The following URAD variants were observed in gnomAD, a reference collection of about 807,000 sequenced individuals.
URAD encodes putative 2-oxo-4-hydroxy-4-carboxy-5-ureidoimidazoline decarboxylase.
In URAD, 4 loss-of-function variants were observed where a neutral mutation model predicts 4.6. That is an observed-to-expected ratio of 0.87 (90% CI 0.43 to 1.98). The LOEUF (loss-of-function observed/expected upper bound fraction) is 1.98. URAD is among the 30% of genes most tolerant of loss of function. The probability of loss-of-function intolerance (pLI) is 0.03; values close to 1 mark genes in which losing one functional copy is unlikely to be tolerated. For synonymous variants in URAD, 144 were observed against 118.2 expected (o/e 1.22, Z -1.41); for missense variants, 300 against 255.3 (o/e 1.18, Z -1.19).
Position 27,983,521 on chromosome 13 carries a change from G to A in URAD, c.175+4942C>T, listed in dbSNP as rs61944047. 8.5e-3 allele frequency among the ~76,000 whole-genome samples: 1,291 copies of A among 152,106 alleles called. 9 individuals carry two copies. Among genetic ancestry groups the A allele is most frequent in the Non-Finnish European group, 0.014 (973 of 67,984 alleles). On this transcript the variant is annotated intron_variant, in intron 1 of 1. Transcript: ENST00000332715. Reference sequence around the variant, plus strand: ...TAGGATTACAGGCATGAGCCACCACGCCCAGCCAGGTTCCTTTTCTATGAG... The same window carrying A: ...TAGGATTACAGGCATGAGCCACCACACCCAGCCAGGTTCCTTTTCTATGAG...
intron 1 of URAD, among the ~76,000 whole-genome samples, chr13:27,987,496 G>A (rs927502890): frequency 3.9e-5 from 6 of 152,074 alleles, no homozygotes; most frequent in African/African-American, 2.4e-5. Context: ...CACTCTCCTC[G>A]GCCATCCAGT....
chr13:27,978,178 A>T lies in URAD; in HGVS notation c.450T>A (p.Ala150=), dbSNP rs938176232. The T allele has an allele frequency of 4.6e-6, 7 of 1,521,258 alleles. No individual in the cohort carries two copies. Among genetic ancestry groups the T allele is most frequent in the Non-Finnish European group, 6.1e-6 (7 of 1,146,944 alleles). 94.2% of individuals were successfully genotyped at this position (1,521,258 alleles called of 1,614,324 possible). The change falls in exon 2 of 2, where the codon GCT becomes GCA. Residue 150 remains alanine, a synonymous_variant. Transcript: ENST00000332715. ...LCPSAQELRT[A]LGEVKKIGSL... is the part of the protein sequence containing the mutation. The stretch of plus-strand genomic sequence containing the variant: ...TGCCGATCTTCTTCACCTCGCCCAG[A>T]GCAGTGCGCAGCTCCTGCGCGGACG...
chr13:27,984,910 C>T (rs542250281), intron 1 of URAD, among the ~76,000 whole-genome samples: 5 of 151,006 alleles, frequency 3.3e-5, no homozygotes, highest in South Asian at 4.2e-4. Flanking sequence ...ACCCGGGAGG[C>T]GGAGGTTGCA....
chr13:27,978,474 G>A, intron 1 of URAD, 22 bp from the exon 2 acceptor site: 1 of 1,305,076 alleles, frequency 7.7e-7, no homozygotes. Flanking sequence ...CACAGACACC[G>A]GCGGGAGCGC....
intron 1 of URAD, among the ~76,000 whole-genome samples, chr13:27,978,843 A>G (rs1229155306): frequency 6.6e-6 from 1 of 152,028 alleles, no homozygotes; most frequent in Non-Finnish European, 1.5e-5. Context: ...CGCGATAAGG[A>G]TCCTGAGCTT....
At chr13:27,984,321 C>G (rs920132131) in intron 1 of URAD, among the ~76,000 whole-genome samples, 16 of 152,338 alleles carry the variant, frequency 1.1e-4, no homozygotes, top group African/African-American at 3.8e-4. Context: ...CAACTTTCTT[C>G]CCTTTACTAA....
At position 27,978,377 on chromosome 13, in the gene URAD, G is replaced by T; in HGVS notation, c.251C>A (p.Ser84Ter). 3.6e-6 allele frequency: 5 copies of T among 1,401,608 alleles called. No individual in the cohort carries two copies. Among genetic ancestry groups the T allele is most frequent in the Non-Finnish European group, 2.8e-6 (3 of 1,084,594 alleles). 86.8% of individuals were successfully genotyped at this position (1,401,608 alleles called of 1,614,324 possible). The part of the protein sequence containing the change: ...ELQRGTLTAE[S>*]QREQSGAGLR... ...GCCTGCGCCGCTCTGTTCCCGCTGCGACTCGGCCGTGAGCGTGCCCCGCTG... is the reference window on the plus strand; with the variant it reads ...GCCTGCGCCGCTCTGTTCCCGCTGCTACTCGGCCGTGAGCGTGCCCCGCTG... The change falls in exon 2 of 2, where the codon TCG becomes TAG. Residue 84 changes from serine (S) to a stop codon, truncating the protein, a stop_gained. Transcript: ENST00000332715. LOFTEE classifies it low-confidence loss of function (END_TRUNC).
intron 1 of URAD, among the ~76,000 whole-genome samples, chr13:27,987,308 G>A (rs904271921): frequency 6.6e-6 from 1 of 152,108 alleles, no homozygotes; most frequent in Non-Finnish European, 1.5e-5. Context: ...TCTCTGTGAA[G>A]CTGTGTGTGT....
intron 1 of URAD, among the ~76,000 whole-genome samples, chr13:27,982,138 T>C (rs1413195191): frequency 8.6e-5 from 13 of 152,010 alleles, no homozygotes; most frequent in Non-Finnish European, 1.9e-4. Context: ...CCTTAAAAAA[T>C]GACTATAAAC....
chr13:27,977,765 C>A lies in URAD; in HGVS notation c.*341G>T. On this transcript the variant is annotated 3_prime_UTR_variant, in exon 2 of 2. Transcript: ENST00000332715. ...CGTCCGTTTTGCTTTGCAGTTCGGG[C>A]TTAGCAGGAGAGGGTTGGGGAGAAC... 1 of 311,938 alleles carries A rather than the reference C, an allele frequency of 3.2e-6. No homozygotes were observed. Among genetic ancestry groups the A allele is most frequent in the Non-Finnish European group, 5.9e-6 (1 of 170,206 alleles). The allele number at this position is 311,938 out of a possible 1,614,324, so 19.3% of individuals were successfully genotyped here.
At chr13:27,981,123 G>A (rs7326855) in intron 1 of URAD, among the ~76,000 whole-genome samples, 26,420 of 151,762 alleles carry the variant, frequency 0.17, 2,329 homozygotes, top group East Asian at 0.21. Flanking sequence ...GGAAGAAACA[G>A]AGCCTGACCT....
At chr13:27,987,920 A>AGATAGAT (rs1870081057) in intron 1 of URAD, among the ~76,000 whole-genome samples, 1 of 115,054 alleles carries the variant, frequency 8.7e-6, no homozygotes, top group African/African-American at 3.1e-5. Context: ...ATAGATAGAT[A>AGATAGAT]GATAGATAGA....
chr13:27,978,834 G>C (rs1179133478), intron 1 of URAD, among the ~76,000 whole-genome samples: 1 of 152,184 alleles, frequency 6.6e-6, no homozygotes, highest in Non-Finnish European at 1.5e-5. Flanking sequence ...GAGCAGAGAC[G>C]CGATAAGGAT....
At chr13:27,986,709 C>T (rs1870038760) in intron 1 of URAD, among the ~76,000 whole-genome samples, 1 of 151,722 alleles carries the variant, frequency 6.6e-6, no homozygotes, top group Admixed American at 6.6e-5. Context: ...ATATGCCTCT[C>T]TTTTTTTTTC....
At chr13:27,984,902 C>T (rs964353045) in intron 1 of URAD, among the ~76,000 whole-genome samples, 1 of 152,002 alleles carries the variant, frequency 6.6e-6, no homozygotes, top group Non-Finnish European at 1.5e-5. Context: ...TCGCTTGAAC[C>T]CGGGAGGCGG....
chr13:27,978,881 CAG>C (rs1491532062), intron 1 of URAD, among the ~76,000 whole-genome samples: 1 of 152,014 alleles, frequency 6.6e-6, no homozygotes, highest in Admixed American at 6.5e-5. Context: ...CCTTTGCTCT[CAG>C]GGGGGGCTTT....
chr13:27,986,923 A>C (rs909321646), intron 1 of URAD, among the ~76,000 whole-genome samples: 9 of 152,162 alleles, frequency 5.9e-5, no homozygotes, highest in African/African-American at 2.2e-4. Context: ...AGCTCCAGTG[A>C]TGACCCCCAA....
At chr13:27,985,934 T>C (rs1870015314) in intron 1 of URAD, among the ~76,000 whole-genome samples, 1 of 152,176 alleles carries the variant, frequency 6.6e-6, no homozygotes, top group Non-Finnish European at 1.5e-5. Context: ...GTTCAATACA[T>C]TTTAGCTATT....
chr13:27,982,191 G>C (rs1028053730), intron 1 of URAD, among the ~76,000 whole-genome samples: 1 of 152,218 alleles, frequency 6.6e-6, no homozygotes, highest in Non-Finnish European at 1.5e-5. Flanking sequence ...AGCACTTTGG[G>C]AGGCCGAGGC....
Sources: gnomAD v4.1 joint callset for allele counts (sites outside exome capture counted in the v4.1 genomes callset) on GRCh38, gnomAD v4.1.1 for gene constraint, MANE v1.5 for transcripts, NCBI Gene and HGNC (gene_info 2026-07-23, HGNC 2026-07-21) for gene names.